Variants in CSTF3 observed in about 807,000 individuals in gnomAD.
CSTF3 encodes CF-1 77 kDa subunit.
A neutral mutation model predicts 105.8 loss-of-function variants in CSTF3; 29 were observed. That is an observed-to-expected ratio of 0.27 (90% CI 0.20 to 0.37). The LOEUF (loss-of-function observed/expected upper bound fraction) is 0.37. CSTF3 is among the 10% of genes least tolerant of loss of function. The probability of loss-of-function intolerance (pLI) is 1.00; values close to 1 mark genes in which losing one functional copy is unlikely to be tolerated. For synonymous variants in CSTF3, 252 were observed against 281.9 expected (o/e 0.89, Z 1.06); for missense variants, 357 against 879.3 (o/e 0.41, Z 7.51).
At chr11:33,132,607 C>G (rs899553845) in intron 3 of CSTF3, among the ~76,000 whole-genome samples, 17 of 152,262 alleles carry the variant, frequency 1.1e-4, no homozygotes, top group Middle Eastern at 3.4e-3. Context: ...ATTCTGTCAA[C>G]TCAGGAAATT....
intron 17 of CSTF3, among the ~76,000 whole-genome samples, chr11:33,088,284 ACT>A (rs1252044954): frequency 2.1e-5 from 3 of 145,376 alleles, no homozygotes; most frequent in South Asian, 4.3e-4. Context: ...CTGAATACTT[ACT>A]CTCTTTTTTT....
intron 9 of CSTF3, 143 bp downstream of exon 9, chr11:33,102,964 T>A (rs555230043): frequency 1.9e-6 from 1 of 529,752 alleles, no homozygotes; most frequent in Admixed American, 3.8e-5. Context: ...ATTTCAAATA[T>A]GTCATCTCCT....
chr11:33,138,929 C>A (rs958028385), intron 3 of CSTF3, among the ~76,000 whole-genome samples: 7 of 151,726 alleles, frequency 4.6e-5, no homozygotes, highest in Non-Finnish European at 1.0e-4. Flanking sequence ...AATTTTACCT[C>A]CAACAATTTC....
At chr11:33,086,091 T>G (rs545969010) in intron 18 of CSTF3, 102 bp from the exon 19 acceptor site, 15 of 761,168 alleles carry the variant, frequency 2.0e-5, no homozygotes, top group African/African-American at 3.6e-5. Context: ...GTCTGCTGCT[T>G]TGTTCTGGAC....
chr11:33,148,063 T>C (rs1307669529), intron 1 of CSTF3, among the ~76,000 whole-genome samples: 2 of 152,196 alleles, frequency 1.3e-5, no homozygotes, highest in South Asian at 2.1e-4. Context: ...TTCATAGATA[T>C]TCTGGAGCTC....
chr11:33,154,163 C>T (rs939744672), intron 1 of CSTF3, among the ~76,000 whole-genome samples: 1 of 152,132 alleles, frequency 6.6e-6, no homozygotes, highest in Non-Finnish European at 1.5e-5. Context: ...CTGTTTCAAA[C>T]GAAGATTCTC....
At chr11:33,085,682 G>A (rs751907589) in intron 20 of CSTF3, 31 bp downstream of exon 20, 2 of 1,562,372 alleles carry the variant, frequency 1.3e-6, no homozygotes, top group African/African-American at 2.7e-5. Context: ...AACGTGGAAT[G>A]ACACTCTGAA....
At chr11:33,138,488 CTG>C (rs970733121) in intron 3 of CSTF3, among the ~76,000 whole-genome samples, 7 of 151,944 alleles carry the variant, frequency 4.6e-5, no homozygotes, top group Non-Finnish European at 7.4e-5. Flanking sequence ...GAGGCTCTGA[CTG>C]GGGCATTCCA....
At chr11:33,158,696 AATGTT>A (rs1849897778) in intron 1 of CSTF3, among the ~76,000 whole-genome samples, 1 of 152,180 alleles carries the variant, frequency 6.6e-6, no homozygotes, top group African/African-American at 2.4e-5. Flanking sequence ...GTAATGATAT[AATGTT>A]AAGTATTCTA....
chr11:33,103,204 T>C lies in CSTF3; in HGVS notation c.586-20A>G. 8.1e-7 allele frequency: 1 copy of C among 1,238,204 alleles called. No individual in the cohort carries two copies. Among genetic ancestry groups the C allele is most frequent in the Non-Finnish European group, 1.1e-6 (1 of 881,932 alleles). 76.7% of individuals were successfully genotyped at this position (1,238,204 alleles called of 1,614,324 possible). A position where few individuals can be genotyped will look rare whatever the true frequency, so the allele number is the denominator to read the frequency against. ...GATACCCTAGAAAAAAACAAAAATA[T>C]TTTAAAATTAAGTATAGTTTCTTAA... On this transcript the variant is annotated intron_variant, in intron 8 of 20. Coordinates refer to ENST00000323959, the MANE Select transcript of CSTF3 (RefSeq NM_001326.3).
In CSTF3 at chr11:33,085,272, T is replaced by G; in HGVS notation, c.1969A>C (p.Arg657=). ...KIPNTVEEAV[R]IITGGAPELA... is the part of the protein sequence containing the mutation. The stretch of plus-strand genomic sequence containing the variant: ...TCTGGGGCCCCACCAGTAATGATCC[T>G]CACAGCTTCCTCAACAGCTATTAAA... The change falls in exon 21 of 21, where the codon AGG becomes CGG. Residue 657 remains arginine (R), a synonymous_variant. Transcript: ENST00000323959. 2.6e-6 allele frequency: 4 copies of G among 1,549,560 alleles called. No individual in the cohort carries two copies. Among genetic ancestry groups the G allele is most frequent in the Non-Finnish European group, 3.5e-6 (4 of 1,151,774 alleles).
Position 33,134,085 on chromosome 11 carries a change from A to G in CSTF3, c.225+7582T>C, listed in dbSNP as rs546613310. 3.9e-5 allele frequency among the ~76,000 whole-genome samples: 6 copies of G among 152,364 alleles called. No individual in the cohort carries two copies. In the South Asian group the frequency reaches 1.2e-3, roughly 32 times the overall value. On this transcript the variant is annotated intron_variant, in intron 3 of 20. Coordinates refer to ENST00000323959, the MANE Select transcript of CSTF3 (RefSeq NM_001326.3). ...AATGCAATCTCCTATAGTTCGGAAA[A>G]AAAAGATTCAGTAAAGCACTTATGT...
chr11:33,084,881 A>G lies in CSTF3; in HGVS notation c.*206T>C, dbSNP rs1855086349. 3 of 610,738 alleles carry G rather than the reference A, an allele frequency of 4.9e-6. No individual in the cohort carries two copies. Among genetic ancestry groups the G allele is most frequent in the Non-Finnish European group, 5.7e-6 (2 of 349,568 alleles). 37.8% of individuals were successfully genotyped at this position (610,738 alleles called of 1,614,324 possible). On this transcript the variant is annotated 3_prime_UTR_variant, in exon 21 of 21. Transcript: ENST00000323959. The stretch of plus-strand genomic sequence containing the variant: ...ACTGTTCTCACATTTTTGAAAACCT[A>G]ATTTTGCTTAGAGCATAGGTCTGTT...
At chr11:33,123,708 A>C (rs1674833064) in intron 3 of CSTF3, among the ~76,000 whole-genome samples, 1 of 152,122 alleles carries the variant, frequency 6.6e-6, no homozygotes, top group Non-Finnish European at 1.5e-5. Flanking sequence ...AAAGGTGCAA[A>C]ACAAAATGTA....
intron 17 of CSTF3, 70 bp downstream of exon 17, chr11:33,090,462 G>A (rs2133769004): frequency 1.1e-6 from 1 of 896,902 alleles, no homozygotes; most frequent in Non-Finnish European, 1.6e-6. Context: ...TTAGAGTGCA[G>A]GTTATCAATG....
intron 15 of CSTF3, among the ~76,000 whole-genome samples, chr11:33,093,444 C>T (rs1855188271): frequency 6.6e-6 from 1 of 152,078 alleles, no homozygotes; most frequent in African/African-American, 2.4e-5. Context: ...TCTCAAAATC[C>T]AACTCATGTG....
intron 1 of CSTF3, among the ~76,000 whole-genome samples, chr11:33,142,815 C>T (rs1855730534): frequency 1.3e-5 from 2 of 152,072 alleles, no homozygotes; most frequent in South Asian, 4.1e-4. Context: ...CAATGTTTGA[C>T]TTTTTAAAAG....
intron 8 of CSTF3, among the ~76,000 whole-genome samples, chr11:33,104,856 A>G (rs927981198): frequency 1.3e-5 from 2 of 152,252 alleles, no homozygotes. Flanking sequence ...GATGCCTGTG[A>G]GGGAACAATT....
At chr11:33,122,914 C>CAAAAAAAAAA (rs10600978) in intron 3 of CSTF3, among the ~76,000 whole-genome samples, 28 of 83,692 alleles carry the variant, frequency 3.3e-4, no homozygotes, top group African/African-American at 4.3e-4. Context: ...TATCCTGTCT[C>CAAAAAAAAAA]AAAAAAAAAA....
Sources: gnomAD v4.1 joint callset for allele counts (sites outside exome capture counted in the v4.1 genomes callset) on GRCh38, gnomAD v4.1.1 for gene constraint, MANE v1.5 for transcripts, NCBI Gene and HGNC (gene_info 2026-07-23, HGNC 2026-07-21) for gene names.